SOCS7: variants seen among roughly 807,000 people sequenced by gnomAD.
SOCS7 encodes the protein suppressor of cytokine signaling 7, also known as NAP-4.
SOCS7 carries 18 observed loss-of-function variants against 58.9 expected under a neutral mutation model. The observed-to-expected ratio is 0.31, with a 90% CI of 0.21 to 0.45. SOCS7 has a LOEUF of 0.45. Among genes scored for constraint, SOCS7 ranks in the 20% least tolerant of loss-of-function variants. The probability of loss-of-function intolerance (pLI) is 1.00; values close to 1 mark genes in which losing one functional copy is unlikely to be tolerated. For missense variants in SOCS7, 667 were observed against 837.3 expected, an observed-to-expected ratio of 0.80 and a Z score of 2.51; for synonymous variants, 388 against 364.3, an observed-to-expected ratio of 1.06 and a Z score of -0.74.
chr17:38,360,379 G>C (rs2037700659), intron 1 of SOCS7, among the ~76,000 whole-genome samples: 1 of 151,624 alleles, frequency 6.6e-6, no homozygotes, highest in Non-Finnish European at 1.5e-5. Context: ...GTTTAGTAGA[G>C]ATGGAGTTTC....
At position 38,395,313 on chromosome 17, in the gene SOCS7, G is replaced by C; in HGVS notation, c.1686G>C (p.Leu562=). Residue 562 remains leucine (L), a synonymous_variant, in exon 8 of 10, where the codon CTG becomes CTC. Transcript: ENST00000612932. ...CCTTTGTTTTCTTTCTTGAAGGACT[G>C]CCACCAACTCCTGTCCAGCTGCTCT... is the stretch of plus-strand genomic sequence containing the variant. The part of the protein sequence containing the change: ...LYFLRSRVPG[L]PPTPVQLLYP... 1 of 1,613,556 alleles carries C rather than the reference G, an allele frequency of 6.2e-7. No individual in the cohort carries two copies. Among genetic ancestry groups the C allele is most frequent in the Non-Finnish European group, 8.5e-7 (1 of 1,179,608 alleles).
chr17:38,386,032 A>T (rs2074886493), intron 7 of SOCS7, among the ~76,000 whole-genome samples: 1 of 152,040 alleles, frequency 6.6e-6, no homozygotes, highest in Admixed American at 6.6e-5. Context: ...AATAAATTAA[A>T]AACTAGCCGA....
At chr17:38,366,735 A>T (rs1045069189) in intron 5 of SOCS7, among the ~76,000 whole-genome samples, 2 of 151,996 alleles carry the variant, frequency 1.3e-5, no homozygotes, top group African/African-American at 4.8e-5. Flanking sequence ...GCTCAACGTG[A>T]TCCTCTTGCC....
rs1027653783 is a variant in SOCS7 at position 38,403,751 on chromosome 17, C to T, written c.*4269C>T. ...CACCCCCTGTCATGTAAGGGAGGAG[C>T]TATTGAGTTAGACATTTTCCCTATG... On this transcript the variant is annotated 3_prime_UTR_variant, in exon 10 of 10. Transcript: ENST00000612932. The T allele has an allele frequency of 6.6e-6, 1 of 152,074 alleles. No individual in the cohort carries two copies. Among genetic ancestry groups the T allele is most frequent in the African/African-American group, 2.4e-5 (1 of 41,390 alleles). The allele number at this position is 152,074 out of a possible 1,614,324, so 9.4% of individuals were successfully genotyped here. A position where few individuals can be genotyped will look rare whatever the true frequency, so the allele number is the denominator to read the frequency against.
chr17:38,351,912 G>A lies in SOCS7; in HGVS notation c.-141G>A, dbSNP rs1036996542. Among the ~76,000 whole-genome samples, 2 of 151,060 alleles carry A rather than the reference G, an allele frequency of 1.3e-5. No homozygotes were observed. The highest frequency in any genetic ancestry group is 4.8e-5 in the African/African-American group (2 of 41,322). On this transcript the variant is annotated 5_prime_UTR_variant, in exon 1 of 10. Coordinates refer to ENST00000612932, the MANE Select transcript of SOCS7 (RefSeq NM_014598.4). ...TCGCGCTGGGCTCCGCGCGCCCCCC[G>A]CCCCCCTCTATGAGGCAGAGGCCGC...
rs1431241014 is a variant in SOCS7 at position 38,365,895 on chromosome 17, C to T, written c.1253-392C>T. The T allele has an allele frequency of 4.0e-6, 3 of 753,920 alleles. No individual in the cohort carries two copies. The African/African-American group carries it at 5.6e-5, about 14-fold the overall frequency. 46.7% of individuals were successfully genotyped at this position (753,920 alleles called of 1,614,324 possible). On this transcript the variant is annotated intron_variant, in intron 4 of 9. Coordinates refer to ENST00000612932, the MANE Select transcript of SOCS7 (RefSeq NM_014598.4). ...GAAATCAGCATTCTTTTCTACTTGC[C>T]TGGCAAAATCATTACTCTTCCTGGG...
chr17:38,358,582 TG>T lies in SOCS7; in HGVS notation c.981-3128del, dbSNP rs1351283069. On this transcript the variant is annotated intron_variant, in intron 1 of 9. Transcript: ENST00000612932. ...ATGTATTAGTATCTTGCTTTGTTGT[TG>T]TTTTTTTTTTTTTATTGTCATCTAG... Among the ~76,000 whole-genome samples the T allele has an allele frequency of 1.5e-4, 23 of 151,602 alleles. No homozygotes were observed. The East Asian group carries it at 2.3e-3, about 15-fold the overall frequency.
intron 7 of SOCS7, among the ~76,000 whole-genome samples, chr17:38,390,703 TTCTG>T (rs1334748147): frequency 3.4e-5 from 5 of 145,666 alleles, no homozygotes; most frequent in Non-Finnish European, 7.6e-5. Context: ...TTCTCTTTCT[TTCTG>T]TCTTTTTTTT....
chr17:38,369,653 T>G (rs2037835281), intron 6 of SOCS7, among the ~76,000 whole-genome samples: 2 of 152,038 alleles, frequency 1.3e-5, no homozygotes, highest in South Asian at 4.2e-4. Flanking sequence ...ACAAGAGGTC[T>G]TTCAAATAGT....
intron 7 of SOCS7, among the ~76,000 whole-genome samples, chr17:38,390,237 G>A (rs148359510): frequency 1.3e-5 from 2 of 152,230 alleles, no homozygotes; most frequent in Admixed American, 6.5e-5. Flanking sequence ...TTGTAACTGT[G>A]AAGGTTAATT....
chr17:38,383,705 C>T (rs558740595), intron 7 of SOCS7, among the ~76,000 whole-genome samples: 8 of 152,164 alleles, frequency 5.3e-5, no homozygotes, highest in African/African-American at 1.4e-4. Flanking sequence ...CCATCACGCC[C>T]GGCTAAATTT....
In SOCS7 at chr17:38,395,486, G is replaced by A. The variant is rs200796575; in HGVS notation, c.1817+42G>A. ...AGGTTTGGGACAGGAATGAGTAAGG[G>A]GGTTGTGGGGAGGTAACAATGTCAG... is the stretch of plus-strand genomic sequence containing the variant. On this transcript the variant is annotated intron_variant, in intron 8 of 9. Coordinates refer to ENST00000612932, the MANE Select transcript of SOCS7 (RefSeq NM_014598.4). 3.1e-6 allele frequency: 5 copies of A among 1,592,820 alleles called. No individual in the cohort carries two copies. In the East Asian group the frequency reaches 6.8e-5, roughly 22 times the overall value.
intron 5 of SOCS7, among the ~76,000 whole-genome samples, chr17:38,367,363 C>G (rs2037804569): frequency 6.6e-6 from 1 of 150,932 alleles, no homozygotes; most frequent in African/African-American, 2.4e-5. Flanking sequence ...CTGCGCCCAG[C>G]CATTTTGTTT....
In SOCS7 at chr17:38,353,056, G is replaced by A. The variant is rs577800836; in HGVS notation, c.980+24G>A. On this transcript the variant is annotated intron_variant, in intron 1 of 9. Transcript: ENST00000612932. Reference sequence around the variant, plus strand: ...AGGTGAGACCGGCCGGGGGCTGGCCGACAAACTTCCTTTTCTTGTTTGGTT... The same window carrying A: ...AGGTGAGACCGGCCGGGGGCTGGCCAACAAACTTCCTTTTCTTGTTTGGTT... 15 of 1,530,118 alleles carry A rather than the reference G, an allele frequency of 9.8e-6. No individual in the cohort carries two copies. In the East Asian group the frequency reaches 2.5e-4, roughly 26 times the overall value. 94.8% of individuals were successfully genotyped at this position (1,530,118 alleles called of 1,614,324 possible).
At chr17:38,390,671 C>CCTTCCTTT (rs1555571155) in intron 7 of SOCS7, among the ~76,000 whole-genome samples, 25 of 146,474 alleles carry the variant, frequency 1.7e-4, no homozygotes, top group African/African-American at 5.5e-4. Context: ...TTCCTTCCTT[C>CCTTCCTTT]CTTCCTTCCT....
In SOCS7 at chr17:38,377,811, G is replaced by A. The variant is rs749431653; in HGVS notation, c.1650G>A (p.Lys550=). ...KRAIMHSKNG[K]FLYFLRSRVP... ...CCATTATGCACTCCAAGAATGGAAA[G>A]TTTCTCTATTTCTTAAGATCCAGGG... Residue 550 remains lysine (K), a synonymous_variant, in exon 7 of 10, where the codon AAG becomes AAA. Transcript: ENST00000612932. The A allele has an allele frequency of 5.6e-6, 9 of 1,613,580 alleles. No individual in the cohort carries two copies. The highest frequency in any genetic ancestry group is 1.7e-5 in the Admixed American group (1 of 59,948).
At chr17:38,360,608 T>C (rs2037704895) in intron 1 of SOCS7, among the ~76,000 whole-genome samples, 2 of 152,166 alleles carry the variant, frequency 1.3e-5, no homozygotes, top group South Asian at 4.1e-4. Flanking sequence ...AGTGCGATCT[T>C]GGCTCACTGC....
chr17:38,373,810 G>A (rs1173673981), intron 6 of SOCS7, among the ~76,000 whole-genome samples: 1 of 152,174 alleles, frequency 6.6e-6, no homozygotes, highest in Non-Finnish European at 1.5e-5. Context: ...AGATCAGGTG[G>A]GTCATAAGGA....
chr17:38,366,440 C>G, intron 5 of SOCS7, 23 bp downstream of exon 5: 1 of 1,613,504 alleles, frequency 6.2e-7, no homozygotes. Flanking sequence ...TAAGGACTGG[C>G]AGGTCACTTC....
Sources: allele counts gnomAD v4.1 joint callset (sites outside exome capture counted in the v4.1 genomes callset), GRCh38; gene constraint gnomAD v4.1.1; transcripts MANE v1.5; gene names NCBI Gene and HGNC (gene_info 2026-07-23, HGNC 2026-07-21).